The following NSMCE2 variants were observed in gnomAD, a reference collection of about 807,000 sequenced individuals.
The protein encoded by NSMCE2 is NSE2 SUMO ligase component of SMC5/6 complex, also known as E3 SUMO-protein ligase NSE2.
A neutral mutation model predicts 23.8 loss-of-function variants in NSMCE2; 24 were observed. The observed-to-expected ratio is 1.01, with a 90% CI of 0.73 to 1.42. The LOEUF (loss-of-function observed/expected upper bound fraction) is 1.42. Among genes scored for constraint, NSMCE2 ranks in the 40% most tolerant of loss-of-function variants. The probability of loss-of-function intolerance (pLI) is 0.00; values close to 1 mark genes in which losing one functional copy is unlikely to be tolerated. For synonymous variants in NSMCE2, 92 were observed against 94.1 expected (o/e 0.98, Z 0.13); for missense variants, 284 against 296.5 (o/e 0.96, Z 0.31).
intron 5 of NSMCE2, among the ~76,000 whole-genome samples, chr8:125,244,709 C>T (rs1333459271): frequency 6.6e-6 from 1 of 152,168 alleles, no homozygotes; most frequent in Non-Finnish European, 1.5e-5. Context: ...GTTAAAAATT[C>T]AGTAAACACT....
At chr8:125,169,237 G>A (rs772926497) in intron 4 of NSMCE2, among the ~76,000 whole-genome samples, 1 of 151,928 alleles carries the variant, frequency 6.6e-6, no homozygotes, top group Non-Finnish European at 1.5e-5. Context: ...CCCGTTCTTC[G>A]ATTTTCTTTC....
chr8:125,235,244 TA>T lies in NSMCE2; in HGVS notation c.418+53002del, dbSNP rs60442484. Among the ~76,000 whole-genome samples the T allele has an allele frequency of 4.1e-3, 578 of 141,244 alleles. 1 individual carries two copies. The highest frequency in any genetic ancestry group is 4.5e-3 in the Non-Finnish European group (289 of 64,124). 92.7% of individuals were successfully genotyped at this position (141,244 alleles called of 152,430 possible). ...CAACAGAGTGAGACTCCATCTCAAT[TA>T]AAAAAAAAAAAAAGGAAACCTAAAA... On this transcript the variant is annotated intron_variant, in intron 5 of 7. Coordinates refer to ENST00000287437, the MANE Select transcript of NSMCE2 (RefSeq NM_173685.4).
At chr8:125,144,869 A>G (rs1435654986) in intron 3 of NSMCE2, among the ~76,000 whole-genome samples, 2 of 152,190 alleles carry the variant, frequency 1.3e-5, no homozygotes. Flanking sequence ...TGCCTATTCA[A>G]TACCTCAAAA....
chr8:125,226,272 A>C (rs1395905665), intron 5 of NSMCE2, among the ~76,000 whole-genome samples: 2 of 152,180 alleles, frequency 1.3e-5, no homozygotes, highest in Non-Finnish European at 2.9e-5. Context: ...AAACATGTCC[A>C]GTCTTGGCAT....
chr8:125,175,096 GGCATGCCTTT>G (rs1822415515), intron 4 of NSMCE2, among the ~76,000 whole-genome samples: 1 of 152,042 alleles, frequency 6.6e-6, no homozygotes. Flanking sequence ...TCTCAGCTTG[GGCATGCCTTT>G]TAAGAACAAC....
intron 5 of NSMCE2, among the ~76,000 whole-genome samples, chr8:125,340,012 G>GT (rs752038710): frequency 0.2 from 20,396 of 102,586 alleles, 3,218 homozygotes; most frequent in Non-Finnish European, 0.23. Flanking sequence ...GTTTTTTTTT[G>GT]TTTTTTTTTT....
chr8:125,199,508 C>T (rs1329022580), intron 5 of NSMCE2, among the ~76,000 whole-genome samples: 1 of 152,172 alleles, frequency 6.6e-6, no homozygotes, highest in African/African-American at 2.4e-5. Context: ...GTTTCTTAAT[C>T]CTGAGTTCTA....
intron 3 of NSMCE2, among the ~76,000 whole-genome samples, chr8:125,104,608 C>T (rs1334117421): frequency 6.6e-6 from 1 of 152,166 alleles, no homozygotes; most frequent in Non-Finnish European, 1.5e-5. Flanking sequence ...TCTTAGGACT[C>T]AGCATCAGAC....
chr8:125,141,758 A>C (rs1049169548), intron 3 of NSMCE2, among the ~76,000 whole-genome samples: 1 of 152,180 alleles, frequency 6.6e-6, no homozygotes, highest in African/African-American at 2.4e-5. Context: ...TGAACATCTG[A>C]TGAACACTTA....
At chr8:125,266,253 G>A (rs1299381620) in intron 5 of NSMCE2, among the ~76,000 whole-genome samples, 6 of 152,206 alleles carry the variant, frequency 3.9e-5, no homozygotes, top group South Asian at 2.1e-4. Context: ...CACCACGCCC[G>A]GCTAATTTTG....
chr8:125,293,897 A>C (rs1260876976), intron 5 of NSMCE2, among the ~76,000 whole-genome samples: 1 of 152,238 alleles, frequency 6.6e-6, no homozygotes, highest in Non-Finnish European at 1.5e-5. Flanking sequence ...GGCAGCCATC[A>C]CCACAATCAA....
At chr8:125,245,541 G>A (rs1160248805) in intron 5 of NSMCE2, among the ~76,000 whole-genome samples, 2 of 152,034 alleles carry the variant, frequency 1.3e-5, no homozygotes, top group African/African-American at 4.8e-5. Context: ...GAGGAAAATT[G>A]TTGCCTTATT....
chr8:125,184,157 AATTTTATAATAC>A (rs1822964239), intron 5 of NSMCE2, among the ~76,000 whole-genome samples: 4 of 152,218 alleles, frequency 2.6e-5, no homozygotes, highest in African/African-American at 9.6e-5. Context: ...AGTTTTAAGT[AATTTTATAATAC>A]AGGTTGAAGG....
chr8:125,345,655 A>G (rs1830404552), intron 5 of NSMCE2, among the ~76,000 whole-genome samples: 1 of 152,244 alleles, frequency 6.6e-6, no homozygotes, highest in African/African-American at 2.4e-5. Context: ...AGCACCTGAC[A>G]GAGGAAATGC....
Position 125,243,912 on chromosome 8 carries a change from TCA to T in NSMCE2, c.418+61659_418+61660del, listed in dbSNP as rs60790549. Among the ~76,000 whole-genome samples the T allele has an allele frequency of 2.6e-3, 392 of 152,300 alleles. 2 individuals carry two copies. The highest frequency in any genetic ancestry group is 9.2e-3 in the African/African-American group (382 of 41,560). Reference sequence around the variant, plus strand: ...AAGATCATCTTTGTCACTGAAAGACTCACAACATATCCCACTTCTGTATAAAT... The same window carrying T: ...AAGATCATCTTTGTCACTGAAAGACTCAACATATCCCACTTCTGTATAAAT... On this transcript the variant is annotated intron_variant, in intron 5 of 7. Coordinates refer to ENST00000287437, the MANE Select transcript of NSMCE2 (RefSeq NM_173685.4).
At chr8:125,310,277 C>T (rs575419719) in intron 5 of NSMCE2, among the ~76,000 whole-genome samples, 2 of 152,216 alleles carry the variant, frequency 1.3e-5, no homozygotes, top group African/African-American at 4.8e-5. Context: ...CAGCCCACCA[C>T]CTGTCAGATT....
At chr8:125,211,889 AT>A (rs1824360855) in intron 5 of NSMCE2, among the ~76,000 whole-genome samples, 2 of 152,102 alleles carry the variant, frequency 1.3e-5, no homozygotes, top group Admixed American at 6.5e-5. Context: ...ATAATCTTAT[AT>A]TTTCATTGAC....
intron 5 of NSMCE2, among the ~76,000 whole-genome samples, chr8:125,321,692 T>C (rs1305805772): frequency 6.6e-6 from 1 of 152,238 alleles, no homozygotes; most frequent in Non-Finnish European, 1.5e-5. Context: ...TAATACATTA[T>C]GACCAACGGG....
At chr8:125,247,216 C>G (rs1216593798) in intron 5 of NSMCE2, among the ~76,000 whole-genome samples, 1 of 151,518 alleles carries the variant, frequency 6.6e-6, no homozygotes, top group East Asian at 1.9e-4. Context: ...ACCTGTAGTC[C>G]CAGCTACTCA....
Sources: allele counts gnomAD v4.1 joint callset (sites outside exome capture counted in the v4.1 genomes callset), GRCh38; gene constraint gnomAD v4.1.1; transcripts MANE v1.5; gene names NCBI Gene and HGNC (gene_info 2026-07-23, HGNC 2026-07-21).